UVRAG: variants seen among roughly 807,000 people sequenced by gnomAD.
The protein encoded by UVRAG is UV radiation resistance associated, also known as UV radiation resistance-associated gene protein.
Under a neutral mutation model 78.0 loss-of-function variants are expected in UVRAG, and 19 were observed. The observed-to-expected ratio is 0.24, with a 90% CI of 0.17 to 0.36. The LOEUF is 0.36. Among genes scored for constraint, UVRAG ranks in the 10% least tolerant of loss-of-function variants. The pLI is 1.00. For synonymous variants in UVRAG, 323 were observed against 324.6 expected, an observed-to-expected ratio of 1.00 and a Z score of 0.05; for missense variants, 740 against 853.8, an observed-to-expected ratio of 0.87 and a Z score of 1.66.
chr11:75,972,944 T>G (rs796532756), intron 7 of UVRAG, among the ~76,000 whole-genome samples: 5 of 152,316 alleles, frequency 3.3e-5, no homozygotes, highest in African/African-American at 9.6e-5. Context: ...TGTCAATTCT[T>G]TTGGATTTTC....
At chr11:76,110,780 A>G (rs1039993647) in intron 13 of UVRAG, among the ~76,000 whole-genome samples, 1 of 152,204 alleles carries the variant, frequency 6.6e-6, no homozygotes, top group African/African-American at 2.4e-5. Context: ...AGTACTGTGT[A>G]AAAAGCTATC....
intron 5 of UVRAG, among the ~76,000 whole-genome samples, chr11:75,898,806 GAAGTT>G (rs1457017084): frequency 6.6e-6 from 1 of 152,166 alleles, no homozygotes; most frequent in Non-Finnish European, 1.5e-5. Flanking sequence ...GAAACCCAGA[GAAGTT>G]AAGAGATTTC....
At position 76,136,417 on chromosome 11, in the gene UVRAG, C is replaced by G. The variant is rs573212503; in HGVS notation, c.1398-4294C>G. 2.0e-5 allele frequency among the ~76,000 whole-genome samples: 3 copies of G among 151,964 alleles called. No individual in the cohort carries two copies. The South Asian group carries it at 6.3e-4, about 32-fold the overall frequency. On this transcript the variant is annotated intron_variant, in intron 14 of 14. Transcript: ENST00000356136. ...TTCAGTGAAGCAACCATTTAGAATT[C>G]TGCTTACCAGGAGGTTTTAATAGCA...
chr11:76,004,184 T>G, intron 9 of UVRAG, 95 bp downstream of exon 9: 4 of 1,188,090 alleles, frequency 3.4e-6, no homozygotes, highest in Non-Finnish European at 4.9e-6. Context: ...TGGTATTAAT[T>G]TATAGCCCAT....
In UVRAG at chr11:75,888,918, C is replaced by T. The variant is rs897492177; in HGVS notation, c.507+15C>T. On this transcript the variant is annotated intron_variant, in intron 5 of 14. Coordinates refer to ENST00000356136, the MANE Select transcript of UVRAG (RefSeq NM_003369.4). ...TTGAACATAAGGTAAGAAGATCCTT[C>T]TAATGTTATGAATTTTGTTTAGTGC... The T allele has an allele frequency of 4.4e-6, 7 of 1,608,204 alleles. No individual in the cohort carries two copies. The East Asian group carries it at 1.6e-4, about 36-fold the overall frequency.
chr11:75,933,471 A>G (rs1440662242), intron 6 of UVRAG, among the ~76,000 whole-genome samples: 3 of 152,214 alleles, frequency 2.0e-5, no homozygotes, highest in African/African-American at 7.2e-5. Flanking sequence ...GCAATATCCC[A>G]CAAGCACAGG....
At chr11:75,947,383 A>G (rs1948605913) in intron 6 of UVRAG, among the ~76,000 whole-genome samples, 1 of 152,170 alleles carries the variant, frequency 6.6e-6, no homozygotes, top group African/African-American at 2.4e-5. Context: ...GAGAATGGGA[A>G]TCTTGGGGTG....
At chr11:76,133,959 T>C (rs11236620) in intron 14 of UVRAG, among the ~76,000 whole-genome samples, 1,683 of 131,700 alleles carry the variant, frequency 0.013, 20 homozygotes, top group Middle Eastern at 0.022. Flanking sequence ...TTTTCTTTTC[T>C]TTTTTTTTTT....
intron 5 of UVRAG, among the ~76,000 whole-genome samples, chr11:75,901,834 C>T (rs17134442): frequency 0.067 from 10,124 of 152,200 alleles, 473 homozygotes; most frequent in African/African-American, 0.13. Context: ...AAGATTTGTT[C>T]ACGTCAGTTT....
At chr11:76,072,160 T>C in intron 13 of UVRAG, among the ~76,000 whole-genome samples, 1 of 152,044 alleles carries the variant, frequency 6.6e-6, no homozygotes, top group African/African-American at 2.4e-5. Flanking sequence ...CCTGGGAAAT[T>C]ACATTTAGAA....
intron 14 of UVRAG, among the ~76,000 whole-genome samples, chr11:76,124,180 T>C (rs568369057): frequency 4.3e-4 from 66 of 152,346 alleles, no homozygotes; most frequent in African/African-American, 1.5e-3. Context: ...TAAACTAAAA[T>C]GAACTGTGCA....
At chr11:76,059,120 T>C (rs867517569) in intron 12 of UVRAG, among the ~76,000 whole-genome samples, 1 of 152,204 alleles carries the variant, frequency 6.6e-6, no homozygotes. Context: ...AAGAAAATAA[T>C]AACTTATATT....
intron 1 of UVRAG, among the ~76,000 whole-genome samples, chr11:75,846,785 A>T (rs1348841880): frequency 2.0e-5 from 3 of 151,552 alleles, no homozygotes; most frequent in African/African-American, 7.3e-5. Context: ...TGCCTTGATT[A>T]CTGTAGCTTT....
At chr11:75,879,320 C>A (rs889976341) in intron 3 of UVRAG, among the ~76,000 whole-genome samples, 1 of 152,168 alleles carries the variant, frequency 6.6e-6, no homozygotes, top group African/African-American at 2.4e-5. Flanking sequence ...CCTCTGAGCC[C>A]TTTTCATATT....
rs182687429 is a variant in UVRAG, at chr11:75,859,325, G to A, written c.236-2421G>A. 5.0e-3 allele frequency among the ~76,000 whole-genome samples: 752 copies of A among 151,124 alleles called. 7 individuals carry two copies. Among genetic ancestry groups the A allele is most frequent in the African/African-American group, 0.017 (709 of 41,156 alleles). ...CGGGAGGCGGAGGTTGCGGTGAGCC[G>A]AGATCACGCCACTGCACTCCAGCCT... is the stretch of plus-strand genomic sequence containing the variant. On this transcript the variant is annotated intron_variant, in intron 2 of 14. Transcript: ENST00000356136.
chr11:75,930,327 C>G (rs1948207746), intron 6 of UVRAG, among the ~76,000 whole-genome samples: 1 of 152,072 alleles, frequency 6.6e-6, no homozygotes, highest in African/African-American at 2.4e-5. Context: ...TTTTTAAGAT[C>G]TTACCACAAT....
chr11:76,068,331 G>A (rs1277679202), intron 13 of UVRAG, among the ~76,000 whole-genome samples: 2 of 152,126 alleles, frequency 1.3e-5, no homozygotes, highest in East Asian at 3.9e-4. Context: ...AACTGAACCA[G>A]GGCCACAAGT....
intron 6 of UVRAG, among the ~76,000 whole-genome samples, chr11:75,959,464 A>G (rs1045195056): frequency 6.6e-6 from 1 of 152,136 alleles, no homozygotes; most frequent in Admixed American, 6.5e-5. Flanking sequence ...CTGTCTTCCA[A>G]CTTTTCTTCT....
intron 7 of UVRAG, among the ~76,000 whole-genome samples, chr11:75,970,402 C>G (rs1301367282): frequency 1.3e-5 from 2 of 152,074 alleles, no homozygotes; most frequent in African/African-American, 2.4e-5. Context: ...AAAAAGTAAA[C>G]TTTCTTTTTC....
Sources: gnomAD v4.1 joint callset for allele counts (sites outside exome capture counted in the v4.1 genomes callset) on GRCh38, gnomAD v4.1.1 for gene constraint, MANE v1.5 for transcripts, NCBI Gene and HGNC (gene_info 2026-07-23, HGNC 2026-07-21) for gene names.